PCDHGA10: variants seen among roughly 807,000 people sequenced by gnomAD.
PCDHGA10 encodes protocadherin gamma-A10.
Under a neutral mutation model 59.5 loss-of-function variants are expected in PCDHGA10, and 42 were observed. The observed-to-expected ratio is 0.71, with a 90% CI of 0.55 to 0.91. The LOEUF (loss-of-function observed/expected upper bound fraction) is 0.91, where lower values mean the gene tolerates loss of function less well. PCDHGA10 is among the 40% of genes least tolerant of loss of function. PCDHGA10 has a pLI of 0.00. For missense variants in PCDHGA10, 1,111 were observed against 1,198.2 expected (o/e 0.93, Z 1.07); for synonymous variants, 511 against 517.2 (o/e 0.99, Z 0.16).
At chr5:141,439,934 G>T (rs1477526863) in intron 1 of PCDHGA10, 2 of 152,382 alleles carry the variant, frequency 1.3e-5, no homozygotes, top group Admixed American at 1.3e-4. Context: ...ATCCTGCTGG[G>T]CATTCTCTAT....
intron 1 of PCDHGA10, chr5:141,428,805 C>G (rs1468764398): frequency 6.6e-6 from 1 of 152,108 alleles, no homozygotes; most frequent in African/African-American, 2.4e-5. Flanking sequence ...GGGCCAGTAA[C>G]TTCATTATTA....
intron 1 of PCDHGA10, among the ~76,000 whole-genome samples, chr5:141,459,804 C>G (rs2098975712): frequency 6.6e-6 from 1 of 152,192 alleles, no homozygotes; most frequent in Non-Finnish European, 1.5e-5. Context: ...TCCCTGTTGA[C>G]TAGAGACACT....
chr5:141,415,046 G>C lies in PCDHGA10; in HGVS notation c.1871G>C (p.Gly624Ala). Residue 624 changes from glycine (G) to alanine (A), a missense_variant, in exon 1 of 4, where the codon GGG becomes GCG. Physicochemically the swap from Gly to Ala is moderately conservative, Grantham distance 60 (BLOSUM62 0). Coordinates refer to ENST00000398610, the MANE Select transcript of PCDHGA10 (RefSeq NM_018913.3). ...AGCGAGCCGGGACTCTTCGCGGTGGGGGAGCACACGGGCGAGGTGCGCACG... is the reference window on the plus strand; with the variant it reads ...AGCGAGCCGGGACTCTTCGCGGTGGCGGAGCACACGGGCGAGGTGCGCACG... ...KASEPGLFAV[G>A]EHTGEVRTAR... 6.2e-7 allele frequency: 1 copy of C among 1,613,468 alleles called. No individual in the cohort carries two copies. The highest frequency in any genetic ancestry group is 8.5e-7 in the Non-Finnish European group (1 of 1,179,952).
At chr5:141,468,560 T>G (rs571224791) in intron 1 of PCDHGA10, 1 of 152,004 alleles carries the variant, frequency 6.6e-6, no homozygotes, top group Non-Finnish European at 1.5e-5. Flanking sequence ...ATTTGTGATA[T>G]AGTAAACAAT....
Position 141,431,547 on chromosome 5 carries a change from T to C in PCDHGA10, c.2436+15936T>C. On this transcript the variant is annotated intron_variant, in intron 1 of 3. Transcript: ENST00000398610. The surrounding 1 kb of genome is among the most constrained non-coding windows in gnomAD (Gnocchi z 4.8). ...CTGGCCTTGGGCACGCAGCTGCTTG[T>C]AGTCAACGCTACCGACCCTGACGAA... The C allele has an allele frequency of 1.2e-6, 2 of 1,614,096 alleles. No homozygotes were observed. The highest frequency in any genetic ancestry group is 2.2e-5 in the East Asian group (1 of 44,882).
rs780310968 is a variant in PCDHGA10 at position 141,414,168 on chromosome 5, T to G, written c.993T>G (p.Tyr331Ter). The G allele has an allele frequency of 5.6e-6, 9 of 1,605,598 alleles. No individual in the cohort carries two copies. The African/African-American group carries it at 1.2e-4, about 21-fold the overall frequency. ...TACAAGCAGAAGATGGAGGAGCATA[T>G]CTTGCAACTGCAAAAGTGTTGATTA... Reference protein sequence around the residue: ...IEIQAEDGGAYLATAKVLITV... With the variant: ...IEIQAEDGGA The change falls in exon 1 of 4, where the codon TAT (tyrosine) becomes TAG (stop). Residue 331 changes from tyrosine (Y) to a stop codon, truncating the protein, a stop_gained. Coordinates refer to ENST00000398610, the MANE Select transcript of PCDHGA10 (RefSeq NM_018913.3). LOFTEE classifies it high-confidence loss of function.
chr5:141,423,423 G>C (rs1561809630), intron 1 of PCDHGA10: 2 of 1,614,096 alleles, frequency 1.2e-6, no homozygotes, highest in Non-Finnish European at 8.5e-7. Flanking sequence ...CTGAAGGCGG[G>C]TTGGCAGGTA....
Position 141,491,652 on chromosome 5 carries a change from G to T in PCDHGA10, c.2437-3155G>T. ...AGCAGCCCACAGCTCTGGCGCTGGA[G>T]CCTGACGCCATCCGGTCCCGCTCTA... On this transcript the variant is annotated intron_variant, in intron 1 of 3. Transcript: ENST00000398610. The surrounding 1 kb of genome is among the most constrained non-coding windows in gnomAD (Gnocchi z 6.9). The T allele has an allele frequency of 6.2e-7, 1 of 1,613,844 alleles. No homozygotes were observed.
Position 141,490,051 on chromosome 5 carries a change from G to C in PCDHGA10, c.2437-4756G>C, listed in dbSNP as rs779280988. 1 of 1,614,214 alleles carries C rather than the reference G, an allele frequency of 6.2e-7. No individual in the cohort carries two copies. The highest frequency in any genetic ancestry group is 1.1e-5 in the South Asian group (1 of 91,082). On this transcript the variant is annotated intron_variant, in intron 1 of 3. Coordinates refer to ENST00000398610, the MANE Select transcript of PCDHGA10 (RefSeq NM_018913.3). The surrounding 1 kb of genome is among the most constrained non-coding windows in gnomAD (Gnocchi z 5.4). Reference sequence around the variant, plus strand: ...CCGCCTCAATGCCACTGATCCAGACGAGGGCACCAACGGCCAACTAGACTA... The same window carrying C: ...CCGCCTCAATGCCACTGATCCAGACCAGGGCACCAACGGCCAACTAGACTA...
intron 1 of PCDHGA10, chr5:141,423,468 A>G (rs1474468597): frequency 6.2e-7 from 1 of 1,613,960 alleles, no homozygotes; most frequent in Admixed American, 1.7e-5. Flanking sequence ...TGGACGGGGT[A>G]CAGGCTTTCC....
At chr5:141,433,391 CTA>C (rs1477426085) in intron 1 of PCDHGA10, among the ~76,000 whole-genome samples, 3 of 151,570 alleles carry the variant, frequency 2.0e-5, no homozygotes, top group African/African-American at 7.3e-5. Context: ...ATCTATCTAT[CTA>C]TCTATCTATC....
Position 141,432,201 on chromosome 5 carries a change from G to T in PCDHGA10, c.2436+16590G>T, listed in dbSNP as rs761075658. On this transcript the variant is annotated intron_variant, in intron 1 of 3. Transcript: ENST00000398610. This position sits in a 1 kb window ranked among gnomAD's most constrained non-coding sequence, Gnocchi z 6.0. ...TCTGTGACCGCCCACGACCCCGACT[G>T]TGAAGAGAACGCCCAGATCACTTAT... 1.8e-5 allele frequency: 29 copies of T among 1,614,092 alleles called. No homozygotes were observed. The South Asian group carries it at 2.9e-4, about 16-fold the overall frequency.
rs1303066281 is a variant in PCDHGA10, at chr5:141,511,199, G to A, written c.*26G>A. The A allele has an allele frequency of 1.2e-6, 2 of 1,612,750 alleles. No homozygotes were observed. The highest frequency in any genetic ancestry group is 1.3e-5 in the African/African-American group (1 of 74,896). On this transcript the variant is annotated 3_prime_UTR_variant, in exon 4 of 4. Transcript: ENST00000398610. The stretch of plus-strand genomic sequence containing the variant: ...CATGGAGGCCAGGCCAAGAGCCACA[G>A]GGCGGCCTCTCCCCAACCAGCCCAG...
intron 1 of PCDHGA10, chr5:141,478,860 A>C: frequency 1.9e-5 from 25 of 1,331,544 alleles, no homozygotes; most frequent in Middle Eastern, 2.6e-4. Context: ...ACAAGATCTC[A>C]GCGATCAGAG....
At chr5:141,501,557 G>A (rs192507373) in intron 2 of PCDHGA10, among the ~76,000 whole-genome samples, 1 of 152,124 alleles carries the variant, frequency 6.6e-6, no homozygotes, top group Non-Finnish European at 1.5e-5. Context: ...CATAGGCCCT[G>A]GAATCATATT....
chr5:141,485,525 C>A lies in PCDHGA10; in HGVS notation c.2437-9282C>A. On this transcript the variant is annotated intron_variant, in intron 1 of 3. Transcript: ENST00000398610. This position sits in a 1 kb window ranked among gnomAD's most constrained non-coding sequence, Gnocchi z 5.7. ...CACCGAAGGTCCTTTGGAAATGTAC[C>A]GAGCAGAGGTAGAGATCGTAGATGT... The A allele has an allele frequency of 5.6e-6, 9 of 1,614,122 alleles. No individual in the cohort carries two copies. Among genetic ancestry groups the A allele is most frequent in the Non-Finnish European group, 7.6e-6 (9 of 1,180,022 alleles).
intron 2 of PCDHGA10, among the ~76,000 whole-genome samples, chr5:141,501,703 G>A (rs183907124): frequency 6.6e-6 from 1 of 152,088 alleles, no homozygotes; most frequent in Non-Finnish European, 1.5e-5. Flanking sequence ...GTGATTCCGA[G>A]GATAAAAAAG....
intron 1 of PCDHGA10, chr5:141,422,123 C>A: frequency 6.2e-7 from 1 of 1,601,290 alleles, no homozygotes; most frequent in South Asian, 1.1e-5. Context: ...GATTCACAAA[C>A]TGGAGAAGTT....
intron 1 of PCDHGA10, 183 bp downstream of exon 1, chr5:141,415,794 A>C: frequency 7.3e-7 from 1 of 1,366,410 alleles, no homozygotes; most frequent in Non-Finnish European, 9.3e-7. Context: ...AAATTCACCT[A>C]GTCTCAATCA....
Sources: gnomAD v4.1 joint callset for allele counts (sites outside exome capture counted in the v4.1 genomes callset) on GRCh38, gnomAD v4.1.1 for gene constraint, Gnocchi (gnomAD v3.1) non-coding constraint, MANE v1.5 for transcripts, NCBI Gene and HGNC (gene_info 2026-07-23, HGNC 2026-07-21) for gene names.